NEK11: variants seen among roughly 807,000 people sequenced by gnomAD.
NEK11 encodes the protein serine/threonine-protein kinase Nek11.
A neutral mutation model predicts 80.7 loss-of-function variants in NEK11; 72 were observed. The observed-to-expected ratio is 0.89, with a 90% CI of 0.74 to 1.08. NEK11 has a LOEUF of 1.08. Ranked by LOEUF, NEK11 falls within the 50% of genes least tolerant of loss-of-function variation. NEK11 has a pLI of 0.00. For synonymous variants in NEK11, 251 were observed against 260.7 expected, an observed-to-expected ratio of 0.96 and a Z score of 0.36; for missense variants, 764 against 763.6, an observed-to-expected ratio of 1.00 and a Z score of -0.01.
At chr3:131,245,528 A>T (rs754344672) in intron 16 of NEK11, among the ~76,000 whole-genome samples, 3 of 152,124 alleles carry the variant, frequency 2.0e-5, no homozygotes, top group Non-Finnish European at 4.4e-5. Context: ...ACTATTTTTC[A>T]TACAGGTTGT....
intron 14 of NEK11, among the ~76,000 whole-genome samples, chr3:131,206,944 G>T (rs2094458148): frequency 6.6e-6 from 1 of 152,040 alleles, no homozygotes; most frequent in South Asian, 2.1e-4. Flanking sequence ...GTGATAGTTT[G>T]CTGGGAATGA....
Position 131,048,649 on chromosome 3 carries a change from G to C in NEK11, c.170+18771G>C, listed in dbSNP as rs370234336. ...CAGAGTGTTTTGGCTGTCTCCAGGT[G>C]CCTGCAGCAGCAATCCGCTTCCTTC... On this transcript the variant is annotated intron_variant, in intron 3 of 17. Coordinates refer to ENST00000383366, the MANE Select transcript of NEK11 (RefSeq NM_024800.5). Among the ~76,000 whole-genome samples the C allele has an allele frequency of 2.7e-4, 41 of 152,274 alleles. 1 individual carries two copies. The South Asian group carries it at 8.5e-3, about 32-fold the overall frequency.
intron 17 of NEK11, chr3:131,325,300 A>ACCATTTACTTAAAGCGTAAAGACAT (rs1554014757): frequency 6.6e-6 from 1 of 151,960 alleles, no homozygotes; most frequent in African/African-American, 2.4e-5. Flanking sequence ...AATAACTTAT[A>ACCATTTACTTAAAGCGTAAAGACAT]CCATTTACTT....
intron 4 of NEK11, among the ~76,000 whole-genome samples, chr3:131,085,908 T>C (rs1203290293): frequency 6.6e-6 from 1 of 152,174 alleles, no homozygotes; most frequent in East Asian, 1.9e-4. Flanking sequence ...TCTGTGACAA[T>C]TTCCCTTTCC....
chr3:131,113,155 A>G (rs1305345371), intron 5 of NEK11, among the ~76,000 whole-genome samples: 2 of 152,224 alleles, frequency 1.3e-5, no homozygotes, highest in Admixed American at 1.3e-4. Flanking sequence ...CTGAGATGTG[A>G]TAGAAGGTCA....
intron 16 of NEK11, among the ~76,000 whole-genome samples, chr3:131,257,633 T>C (rs1580997138): frequency 1.3e-5 from 2 of 152,158 alleles, no homozygotes; most frequent in East Asian, 3.9e-4. Flanking sequence ...TCAATTTATC[T>C]TCTGTTCTGC....
At chr3:131,223,732 T>G (rs1035488829) in intron 14 of NEK11, among the ~76,000 whole-genome samples, 3 of 152,132 alleles carry the variant, frequency 2.0e-5, no homozygotes, top group Non-Finnish European at 2.9e-5. Flanking sequence ...TTGCAGAGGT[T>G]TCTTCTGAGC....
Position 131,132,785 on chromosome 3 carries a change from C to A in NEK11, c.496C>A (p.Leu166Met), listed in dbSNP as rs1203598520. The A allele has an allele frequency of 6.5e-7, 1 of 1,527,720 alleles. No individual in the cohort carries two copies. The highest frequency in any genetic ancestry group is 2.0e-5 in the Admixed American group (1 of 50,292). 94.6% of individuals were successfully genotyped at this position (1,527,720 alleles called of 1,614,324 possible). A position where few individuals can be genotyped will look rare whatever the true frequency, so the allele number is the denominator to read the frequency against. Residue 166 changes from leucine (L) to methionine (M), a missense_variant, in exon 6 of 18, where the codon CTG becomes ATG. Coordinates refer to ENST00000383366, the MANE Select transcript of NEK11 (RefSeq NM_024800.5). Reference sequence around the variant, plus strand: ...AGACTTAAAGTCAAAGAATGTATTTCTGAAAAATAATCTCCTTAAAATTGG... The same window carrying A: ...AGACTTAAAGTCAAAGAATGTATTTATGAAAAATAATCTCCTTAAAATTGG... The part of the protein sequence containing the change: ...HRDLKSKNVF[L>M]KNNLLKIGDF...
chr3:131,133,233 T>C (rs1002119892), intron 6 of NEK11: 3 of 454,906 alleles, frequency 6.6e-6, no homozygotes, highest in African/African-American at 6.0e-5. Context: ...ATAATGGCTT[T>C]ATTAACCTTT....
In NEK11 at chr3:131,081,433, G is replaced by C. The variant is rs373488352; in HGVS notation, c.336+845G>C. ...TCTGAGTTCTATCCAAGTAATAGCT[G>C]TGTATTTTACTGAGCCCCAAGGGAG... On this transcript the variant is annotated intron_variant, in intron 4 of 17. Coordinates refer to ENST00000383366, the MANE Select transcript of NEK11 (RefSeq NM_024800.5). Among the ~76,000 whole-genome samples, 5 of 152,268 alleles carry C rather than the reference G, an allele frequency of 3.3e-5. No homozygotes were observed. In the East Asian group the frequency reaches 5.8e-4, roughly 18 times the overall value.
At position 131,029,667 on chromosome 3, in the gene NEK11, G is replaced by T; in HGVS notation, c.-42G>T. ...ATTTCTTAGGAGACTGGAATGTTAA[G>T]TTTCTATAAATGAATGAACCAGTTC... is the stretch of plus-strand genomic sequence containing the variant. On this transcript the variant is annotated 5_prime_UTR_variant, in exon 3 of 18. Coordinates refer to ENST00000383366, the MANE Select transcript of NEK11 (RefSeq NM_024800.5). 1 of 1,588,856 alleles carries T rather than the reference G, an allele frequency of 6.3e-7. No homozygotes were observed. Among genetic ancestry groups the T allele is most frequent in the Non-Finnish European group, 8.6e-7 (1 of 1,160,996 alleles).
chr3:131,214,510 T>A (rs1268557712), intron 14 of NEK11, among the ~76,000 whole-genome samples: 1 of 152,164 alleles, frequency 6.6e-6, no homozygotes, highest in Non-Finnish European at 1.5e-5. Context: ...AAAAGACAAA[T>A]GTTACCTTGT....
chr3:131,109,929 C>A lies in NEK11; in HGVS notation c.455+8C>A. On this transcript the variant is annotated splice_region_variant and intron_variant, in intron 5 of 17. Coordinates refer to ENST00000383366, the MANE Select transcript of NEK11 (RefSeq NM_024800.5). ...TGACTACATGCATGAGAGGTATGTT[C>A]ATTTGCTACTGGGGGAGCATGATAT... 1 of 1,585,456 alleles carries A rather than the reference C, an allele frequency of 6.3e-7. No individual in the cohort carries two copies. The highest frequency in any genetic ancestry group is 1.2e-5 in the South Asian group (1 of 85,134).
intron 7 of NEK11, among the ~76,000 whole-genome samples, chr3:131,138,714 G>A (rs1488750219): frequency 6.6e-6 from 1 of 152,124 alleles, no homozygotes; most frequent in African/African-American, 2.4e-5. Flanking sequence ...AGAAAGTAAG[G>A]GAAGAGAACA....
At chr3:131,235,578 A>G (rs567972816) in intron 15 of NEK11, among the ~76,000 whole-genome samples, 2 of 152,256 alleles carry the variant, frequency 1.3e-5, no homozygotes, top group South Asian at 4.2e-4. Context: ...TTGTTCCCAC[A>G]TAACCTGGTA....
At position 131,165,524 on chromosome 3, in the gene NEK11, G is replaced by A. The variant is rs2092127224; in HGVS notation, c.1176+5G>A. The A allele has an allele frequency of 1.3e-6, 2 of 1,568,898 alleles. No homozygotes were observed. Among genetic ancestry groups the A allele is most frequent in the Non-Finnish European group, 8.7e-7 (1 of 1,146,028 alleles). On this transcript the variant is annotated splice_donor_5th_base_variant and intron_variant, in intron 12 of 17. Transcript: ENST00000383366. ...CTGAGTGTTGATGTACTCCATGTAA[G>A]TACCCTCTTATTTTAAATTTTACAT...
chr3:131,158,420 C>G (rs1385461460), intron 10 of NEK11, among the ~76,000 whole-genome samples: 2 of 152,196 alleles, frequency 1.3e-5, no homozygotes, highest in Admixed American at 1.3e-4. Flanking sequence ...CTCACCTCCC[C>G]TGCCATTGCA....
At chr3:131,149,264 G>A (rs1428135248) in intron 7 of NEK11, among the ~76,000 whole-genome samples, 2 of 152,080 alleles carry the variant, frequency 1.3e-5, no homozygotes, top group Non-Finnish European at 2.9e-5. Flanking sequence ...CTGTTCCTCT[G>A]TTAGTTTGCC....
chr3:131,058,774 T>A (rs1252580720), intron 3 of NEK11, among the ~76,000 whole-genome samples: 1 of 152,190 alleles, frequency 6.6e-6, no homozygotes, highest in African/African-American at 2.4e-5. Flanking sequence ...AAGATAGTCA[T>A]ACCTATTAGC....
Sources: gnomAD v4.1 joint callset for allele counts (sites outside exome capture counted in the v4.1 genomes callset) on GRCh38, gnomAD v4.1.1 for gene constraint, MANE v1.5 for transcripts, NCBI Gene and HGNC (gene_info 2026-07-23, HGNC 2026-07-21) for gene names.